EPHA6: variants seen among roughly 807,000 people sequenced by gnomAD.
The protein encoded by EPHA6 is EPH receptor A6.
A neutral mutation model predicts 112.0 loss-of-function variants in EPHA6; 50 were observed. The observed-to-expected ratio is 0.45, with a 90% confidence interval of 0.36 to 0.56. The LOEUF is 0.56. Ranked by LOEUF, EPHA6 falls within the 20% of genes least tolerant of loss-of-function variation. EPHA6 has a pLI of 0.00. For missense variants in EPHA6, 1,280 were observed against 1,417.4 expected (o/e 0.90, Z 1.56); for synonymous variants, 529 against 490.7 (o/e 1.08, Z -1.03).
intron 5 of EPHA6, among the ~76,000 whole-genome samples, chr3:97,328,078 T>TATATATATATATAA (rs1309698190): frequency 2.2e-5 from 3 of 138,394 alleles, no homozygotes; most frequent in Admixed American, 1.4e-4. Context: ...TATATATATA[T>TATATATATATATAA]AACCTGTTTT....
rs904165542 is a variant in EPHA6 at position 97,758,518 on chromosome 3, A to G, written c.*9817A>G. Among the ~76,000 whole-genome samples the G allele has an allele frequency of 6.6e-6, 1 of 151,948 alleles. No homozygotes were observed. Among genetic ancestry groups the G allele is most frequent in the Non-Finnish European group, 1.5e-5 (1 of 67,862 alleles). On this transcript the variant is annotated 3_prime_UTR_variant, in exon 18 of 18. Transcript: ENST00000389672. ...AACTGTTTATTGAACACTACCATGT[A>G]CCATTGTCCTGTTCGAAGCACTGAG...
intron 3 of EPHA6, among the ~76,000 whole-genome samples, chr3:97,137,236 T>C (rs936055917): frequency 6.6e-6 from 1 of 152,130 alleles, no homozygotes; most frequent in Non-Finnish European, 1.5e-5. Context: ...CTGCCTATGG[T>C]ATGTGTTTAC....
intron 5 of EPHA6, among the ~76,000 whole-genome samples, chr3:97,295,919 G>A (rs1159876515): frequency 2.0e-5 from 3 of 152,084 alleles, no homozygotes; most frequent in Admixed American, 2.0e-4. Flanking sequence ...TGGCAGCAGT[G>A]GGCCAATCAT....
chr3:96,967,851 T>A (rs2042180447), intron 2 of EPHA6, among the ~76,000 whole-genome samples: 1 of 151,914 alleles, frequency 6.6e-6, no homozygotes. Context: ...AGAATGGATC[T>A]GCAGCTAACA....
At chr3:97,376,041 A>T (rs2085330893) in intron 5 of EPHA6, among the ~76,000 whole-genome samples, 1 of 152,210 alleles carries the variant, frequency 6.6e-6, no homozygotes, top group South Asian at 2.1e-4. Flanking sequence ...AAATTGTCCA[A>T]CATATGCAGT....
At chr3:97,309,895 G>A (rs1373300770) in intron 5 of EPHA6, among the ~76,000 whole-genome samples, 1 of 151,592 alleles carries the variant, frequency 6.6e-6, no homozygotes, top group Non-Finnish European at 1.5e-5. Context: ...CAAAGTTGTT[G>A]ACTTAACTGT....
chr3:97,536,605 G>T (rs1190321286), intron 11 of EPHA6, among the ~76,000 whole-genome samples: 5 of 152,146 alleles, frequency 3.3e-5, no homozygotes, highest in Non-Finnish European at 7.3e-5. Context: ...AATATTGTGG[G>T]TTCCTTCTGG....
At chr3:97,010,011 C>A in intron 3 of EPHA6, 5 of 1,121,192 alleles carry the variant, frequency 4.5e-6, no homozygotes, top group Non-Finnish European at 4.8e-6. Context: ...TAGGAGCCTC[C>A]AAAGGCCGCT....
At position 97,749,379 on chromosome 3, in the gene EPHA6, A is replaced by G; in HGVS notation, c.*678A>G. On this transcript the variant is annotated 3_prime_UTR_variant, in exon 18 of 18. Transcript: ENST00000389672. ...TCAATTTTTTAAAAATTAACTTTAT[A>G]ATGTCATACATATTTCATAGTAGGT... 3 of 204,700 alleles carry G rather than the reference A, an allele frequency of 1.5e-5. No individual in the cohort carries two copies. The highest frequency in any genetic ancestry group is 2.0e-5 in the Non-Finnish European group (2 of 99,948). 12.7% of individuals were successfully genotyped at this position (204,700 alleles called of 1,614,324 possible). A position where few individuals can be genotyped will look rare whatever the true frequency, so the allele number is the denominator to read the frequency against.
chr3:96,827,229 C>T (rs2033721464), intron 1 of EPHA6, among the ~76,000 whole-genome samples: 1 of 152,010 alleles, frequency 6.6e-6, no homozygotes, highest in African/African-American at 2.4e-5. Flanking sequence ...GAAAGTTTTT[C>T]TTGAGTGGGA....
chr3:97,162,382 G>A (rs533985884), intron 3 of EPHA6, among the ~76,000 whole-genome samples: 3 of 152,160 alleles, frequency 2.0e-5, no homozygotes, highest in Non-Finnish European at 4.4e-5. Flanking sequence ...GAGTATATCT[G>A]TTGCAATTAT....
At chr3:97,281,224 TGTGTGC>T (rs752732674) in intron 5 of EPHA6, among the ~76,000 whole-genome samples, 5,210 of 146,032 alleles carry the variant, frequency 0.036, 265 homozygotes, top group African/African-American at 0.12. Flanking sequence ...TGTGTGTGTG[TGTGTGC>T]GCGCGTGTGT....
chr3:96,940,298 A>C (rs1436276210), intron 2 of EPHA6, among the ~76,000 whole-genome samples: 1 of 152,210 alleles, frequency 6.6e-6, no homozygotes, highest in East Asian at 1.9e-4. Context: ...TATTGGGTGC[A>C]TATATATTTA....
At chr3:96,883,959 C>T (rs1374393402) in intron 2 of EPHA6, among the ~76,000 whole-genome samples, 1 of 152,092 alleles carries the variant, frequency 6.6e-6, no homozygotes, top group Non-Finnish European at 1.5e-5. Flanking sequence ...AGGCCCAGTA[C>T]CATTTGTGAA....
intron 14 of EPHA6, among the ~76,000 whole-genome samples, chr3:97,646,981 G>T (rs907432722): frequency 2.0e-5 from 3 of 152,110 alleles, no homozygotes; most frequent in Non-Finnish European, 2.9e-5. Flanking sequence ...ACTGGGCAAA[G>T]CTGTAAAGGA....
chr3:97,474,253 T>C (rs1201049209), intron 7 of EPHA6, among the ~76,000 whole-genome samples: 1 of 151,926 alleles, frequency 6.6e-6, no homozygotes, highest in Non-Finnish European at 1.5e-5. Flanking sequence ...AGTTTGCTTC[T>C]CAGTTATATA....
intron 5 of EPHA6, among the ~76,000 whole-genome samples, chr3:97,383,531 G>A (rs1488900982): frequency 6.6e-6 from 1 of 152,004 alleles, no homozygotes; most frequent in Non-Finnish European, 1.5e-5. Flanking sequence ...AAATTTTTAT[G>A]TCTATTCACT....
chr3:97,511,319 C>T (rs140344177), intron 10 of EPHA6, among the ~76,000 whole-genome samples: 321 of 152,272 alleles, frequency 2.1e-3, no homozygotes, highest in African/African-American at 5.6e-3. Context: ...TGTATGCACC[C>T]AAGGGAATCT....
rs916615001 is a variant in EPHA6, at chr3:97,292,210, G to A, written c.1606+47923G>A. The stretch of plus-strand genomic sequence containing the variant: ...CGAAAGCTCGGAGATGCCAGGAACC[G>A]CAGAGCCCCAAAGAGGGTGTTACGG... On this transcript the variant is annotated intron_variant, in intron 5 of 17. Transcript: ENST00000389672. Among the ~76,000 whole-genome samples the A allele has an allele frequency of 2.6e-5, 4 of 152,360 alleles. 1 individual carries two copies. The highest frequency in any genetic ancestry group is 1.9e-4 in the East Asian group (1 of 5,186).
Sources: allele counts gnomAD v4.1 joint callset (sites outside exome capture counted in the v4.1 genomes callset), GRCh38; gene constraint gnomAD v4.1.1; transcripts MANE v1.5; gene names NCBI Gene and HGNC (gene_info 2026-07-23, HGNC 2026-07-21).